The following SLC22A3 variants were observed in gnomAD, a reference collection of about 807,000 sequenced individuals.
SLC22A3 encodes solute carrier family 22 member 3.
A neutral mutation model predicts 59.1 loss-of-function variants in SLC22A3; 51 were observed. The ratio of observed to expected loss-of-function variants is 0.86; its 90% CI spans 0.69 to 1.09. The LOEUF (loss-of-function observed/expected upper bound fraction) is 1.09, where lower values mean the gene tolerates loss of function less well. Ranked by LOEUF, SLC22A3 falls within the 50% of genes least tolerant of loss-of-function variation. SLC22A3 has a pLI of 0.00. For missense variants in SLC22A3, 711 were observed against 726.3 expected, an observed-to-expected ratio of 0.98 and a Z score of 0.24; for synonymous variants, 325 against 292.0, an observed-to-expected ratio of 1.11 and a Z score of -1.15.
intron 1 of SLC22A3, among the ~76,000 whole-genome samples, chr6:160,355,313 C>G (rs1784792471): frequency 6.6e-6 from 1 of 152,186 alleles, no homozygotes; most frequent in African/African-American, 2.4e-5. Context: ...CACAAGGTCT[C>G]TGTGCCTCCA....
intron 1 of SLC22A3, among the ~76,000 whole-genome samples, chr6:160,386,988 G>A (rs971434543): frequency 6.6e-6 from 1 of 152,208 alleles, no homozygotes; most frequent in African/African-American, 2.4e-5. Flanking sequence ...ACTGCAGGAG[G>A]AGTCCTCCTC....
chr6:160,404,217 G>C (rs1456642554), intron 2 of SLC22A3, among the ~76,000 whole-genome samples: 2 of 150,848 alleles, frequency 1.3e-5, no homozygotes, highest in Non-Finnish European at 3.0e-5. Context: ...AAAAACTCCT[G>C]AAACTAATAA....
chr6:160,408,693 T>C (rs1240631790), intron 3 of SLC22A3, 60 bp from the exon 4 acceptor site: 4 of 1,533,016 alleles, frequency 2.6e-6, no homozygotes, highest in Middle Eastern at 1.7e-4. Context: ...TCTGTATTTG[T>C]TTGTTTATTT....
chr6:160,405,913 A>G (rs781731846), intron 2 of SLC22A3, among the ~76,000 whole-genome samples: 2 of 151,922 alleles, frequency 1.3e-5, no homozygotes, highest in Non-Finnish European at 2.9e-5. Context: ...TGGTTGCTAG[A>G]GGGTGGGGAG....
At chr6:160,393,331 C>T (rs1394563331) in intron 1 of SLC22A3, among the ~76,000 whole-genome samples, 4 of 151,530 alleles carry the variant, frequency 2.6e-5, no homozygotes, top group Non-Finnish European at 4.4e-5. Flanking sequence ...GGTACATGTG[C>T]ACAACGTGCA....
rs771237971 is a variant in SLC22A3 at position 160,451,013 on chromosome 6, G to A, written c.1628G>A (p.Cys543Tyr). 1.3e-6 allele frequency: 2 copies of A among 1,594,782 alleles called. No homozygotes were observed. The highest frequency in any genetic ancestry group is 1.7e-6 in the Non-Finnish European group (2 of 1,168,700). The change falls in exon 11 of 11, where the codon TGT (cysteine) becomes TAT (tyrosine). Residue 543 changes from cysteine (C) to tyrosine (Y), a missense_variant. Coordinates refer to ENST00000275300, the MANE Select transcript of SLC22A3 (RefSeq NM_021977.4). ...EKLGSPHSCK[C>Y]GRNKKTPVSR... ...TTTTTCAGTCCACATTCCTGTAAATGTGGCAGGAATAAGAAAACCCCAGTT... is the reference window on the plus strand; with the variant it reads ...TTTTTCAGTCCACATTCCTGTAAATATGGCAGGAATAAGAAAACCCCAGTT...
chr6:160,421,464 C>T (rs1159762353), intron 5 of SLC22A3, among the ~76,000 whole-genome samples: 6 of 152,188 alleles, frequency 3.9e-5, no homozygotes, highest in Non-Finnish European at 8.8e-5. Context: ...GCGTGGGCTT[C>T]CCCCTTTTCC....
chr6:160,381,418 G>A (rs1383278496), intron 1 of SLC22A3, among the ~76,000 whole-genome samples: 1 of 152,172 alleles, frequency 6.6e-6, no homozygotes, highest in African/African-American at 2.4e-5. Flanking sequence ...CAGTATTCAA[G>A]GCTGACTGTT....
chr6:160,434,390 T>C (rs961473296), intron 5 of SLC22A3, among the ~76,000 whole-genome samples: 1 of 152,230 alleles, frequency 6.6e-6, no homozygotes, highest in Admixed American at 6.5e-5. Flanking sequence ...GCTCCACCAA[T>C]CAGTTGCCTG....
chr6:160,348,407 C>A lies in SLC22A3; in HGVS notation c.-13C>A, dbSNP rs777545725. On this transcript the variant is annotated 5_prime_UTR_variant, in exon 1 of 11. Transcript: ENST00000275300. ...CGAGGCGCGGGCTGCGGGCGGCGGG[C>A]GGCGGGCGCACCATGCCCTCCTTCG... The A allele has an allele frequency of 4.8e-6, 7 of 1,443,532 alleles. No individual in the cohort carries two copies. Among genetic ancestry groups the A allele is most frequent in the Non-Finnish European group, 6.3e-6 (7 of 1,104,518 alleles). 89.4% of individuals were successfully genotyped at this position (1,443,532 alleles called of 1,614,324 possible).
At chr6:160,447,910 G>A in intron 10 of SLC22A3, 92 bp downstream of exon 10, 1 of 981,056 alleles carries the variant, frequency 1.0e-6, no homozygotes, top group South Asian at 1.3e-5. Flanking sequence ...TATCCACAGG[G>A]AAAAAAATAA....
At chr6:160,440,231 T>G (rs764156062) in intron 7 of SLC22A3, among the ~76,000 whole-genome samples, 1 of 152,248 alleles carries the variant, frequency 6.6e-6, no homozygotes, top group Non-Finnish European at 1.5e-5. Context: ...TGAGTTTATT[T>G]AGGATGACCA....
rs1788985378 is a variant in SLC22A3 at position 160,451,991 on chromosome 6, C to G, written c.*935C>G. ...ATGGACAATTCCTATTCATTCTTAG[C>G]ACTTTGACATGTCTTGGGGAAAAGC... On this transcript the variant is annotated 3_prime_UTR_variant, in exon 11 of 11. Transcript: ENST00000275300. The G allele has an allele frequency of 6.6e-6, 1 of 152,184 alleles. No homozygotes were observed. Among genetic ancestry groups the G allele is most frequent in the Non-Finnish European group, 1.5e-5 (1 of 68,038 alleles). 9.4% of individuals were successfully genotyped at this position (152,184 alleles called of 1,614,324 possible).
chr6:160,350,142 G>A (rs571181711), intron 1 of SLC22A3, among the ~76,000 whole-genome samples: 31 of 152,120 alleles, frequency 2.0e-4, no homozygotes, highest in Admixed American at 5.9e-4. Context: ...TATGTGTTTG[G>A]GATCTTTCTG....
chr6:160,449,551 C>T (rs747461563), intron 10 of SLC22A3, among the ~76,000 whole-genome samples: 6 of 152,308 alleles, frequency 3.9e-5, no homozygotes, highest in South Asian at 2.1e-4. Flanking sequence ...AACTTGCTAG[C>T]ATTTCCCTTT....
chr6:160,367,492 T>A (rs571173350), intron 1 of SLC22A3, among the ~76,000 whole-genome samples: 157 of 152,304 alleles, frequency 1.0e-3, no homozygotes, highest in African/African-American at 3.5e-3. Flanking sequence ...ATACCTGTAT[T>A]GCAACTTTCA....
intron 1 of SLC22A3, among the ~76,000 whole-genome samples, chr6:160,389,166 A>T (rs1373178768): frequency 2.6e-5 from 4 of 152,148 alleles, no homozygotes; most frequent in African/African-American, 9.7e-5. Context: ...TCTCGTATAG[A>T]AGGCTGATCA....
intron 1 of SLC22A3, among the ~76,000 whole-genome samples, chr6:160,368,188 CCACTT>C (rs1400646487): frequency 6.6e-6 from 1 of 152,156 alleles, no homozygotes; most frequent in East Asian, 1.9e-4. Context: ...CACTCACTCT[CCACTT>C]CCCTGAGAAA....
chr6:160,388,073 C>T (rs760216249), intron 1 of SLC22A3, among the ~76,000 whole-genome samples: 23 of 152,122 alleles, frequency 1.5e-4, no homozygotes, highest in Non-Finnish European at 3.1e-4. Context: ...TGACACCTTG[C>T]GTGGGAGACA....
Sources: allele counts gnomAD v4.1 joint callset (sites outside exome capture counted in the v4.1 genomes callset), GRCh38; gene constraint gnomAD v4.1.1; transcripts MANE v1.5; gene names NCBI Gene and HGNC (gene_info 2026-07-23, HGNC 2026-07-21).